The following ELMO1 variants were observed in gnomAD, a reference collection of about 807,000 sequenced individuals.
The protein encoded by ELMO1 is engulfment and cell motility 1.
In ELMO1, 26 loss-of-function variants were observed where a neutral mutation model predicts 98.9. That is an observed-to-expected ratio of 0.26 (90% CI 0.19 to 0.36). The LOEUF (loss-of-function observed/expected upper bound fraction) is 0.36. Among genes scored for constraint, ELMO1 ranks in the 10% least tolerant of loss-of-function variants. ELMO1 has a pLI of 1.00. For missense variants in ELMO1, 627 were observed against 935.2 expected (o/e 0.67, Z 4.30); for synonymous variants, 346 against 346.0 (o/e 1.00, Z 0.00).
intron 8 of ELMO1, among the ~76,000 whole-genome samples, chr7:37,229,631 A>G (rs1794057974): frequency 6.6e-6 from 1 of 152,184 alleles, no homozygotes; most frequent in African/African-American, 2.4e-5. Flanking sequence ...GCTCCATTTA[A>G]AAGACAGTTG....
intron 12 of ELMO1, among the ~76,000 whole-genome samples, chr7:37,212,694 G>A (rs952812811): frequency 2.0e-5 from 3 of 152,178 alleles, no homozygotes; most frequent in African/African-American, 7.2e-5. Flanking sequence ...TGCCAATAAT[G>A]AGTGTTTTCC....
intron 20 of ELMO1, among the ~76,000 whole-genome samples, chr7:36,869,052 T>C (rs1033871021): frequency 1.1e-4 from 17 of 152,338 alleles, no homozygotes; most frequent in Non-Finnish European, 4.4e-5. Flanking sequence ...TTTGCTGCTA[T>C]AGCTAAGGAT....
intron 13 of ELMO1, among the ~76,000 whole-genome samples, chr7:37,142,784 G>A (rs1787721807): frequency 6.6e-6 from 1 of 152,134 alleles, no homozygotes; most frequent in Non-Finnish European, 1.5e-5. Flanking sequence ...TGCTATATGA[G>A]TTTCAAAAAT....
At chr7:37,250,357 T>C (rs1795275088) in intron 6 of ELMO1, among the ~76,000 whole-genome samples, 1 of 152,162 alleles carries the variant, frequency 6.6e-6, no homozygotes, top group Non-Finnish European at 1.5e-5. Context: ...ATAAAGCCTG[T>C]GCATATGTGT....
At chr7:37,025,009 ACC>A (rs1367781060) in intron 15 of ELMO1, among the ~76,000 whole-genome samples, 1 of 152,104 alleles carries the variant, frequency 6.6e-6, no homozygotes, top group Non-Finnish European at 1.5e-5. Flanking sequence ...ATGCTAAGTA[ACC>A]CCTGGGAATT....
In ELMO1 at chr7:37,043,720, A is replaced by G. The variant is rs374848232; in HGVS notation, c.1301-30285T>C. Among the ~76,000 whole-genome samples the G allele has an allele frequency of 3.3e-5, 5 of 152,312 alleles. No individual in the cohort carries two copies. In the South Asian group the frequency reaches 6.2e-4, roughly 19 times the overall value. On this transcript the variant is annotated intron_variant, in intron 15 of 21. Transcript: ENST00000310758. ...TATCCGAAAGGTTCCCGGTGAATCTAATGTGCAGGCAGGATGGAGACCAAC... is the reference window on the plus strand; with the variant it reads ...TATCCGAAAGGTTCCCGGTGAATCTGATGTGCAGGCAGGATGGAGACCAAC...
chr7:37,273,266 C>G (rs1427838765), intron 4 of ELMO1, among the ~76,000 whole-genome samples: 3 of 152,190 alleles, frequency 2.0e-5, no homozygotes. Flanking sequence ...TTGTAATCCC[C>G]ATGTGTTAAC....
chr7:37,164,979 G>A (rs1789545420), intron 13 of ELMO1, among the ~76,000 whole-genome samples: 1 of 151,924 alleles, frequency 6.6e-6, no homozygotes, highest in African/African-American at 2.4e-5. Flanking sequence ...AGCATGGAAT[G>A]TTCTTCCATT....
chr7:37,114,490 A>G (rs1349217595), intron 14 of ELMO1, among the ~76,000 whole-genome samples: 1 of 152,174 alleles, frequency 6.6e-6, no homozygotes, highest in Non-Finnish European at 1.5e-5. Context: ...TGAGCCAGAG[A>G]CTTTAGTCAC....
At chr7:36,883,925 C>T (rs1041560888) in intron 18 of ELMO1, among the ~76,000 whole-genome samples, 2 of 152,152 alleles carry the variant, frequency 1.3e-5, no homozygotes, top group African/African-American at 4.8e-5. Flanking sequence ...AAGGATTCTG[C>T]GACCAGAGCT....
chr7:36,913,947 T>C (rs1200947897), intron 16 of ELMO1, among the ~76,000 whole-genome samples: 1 of 152,234 alleles, frequency 6.6e-6, no homozygotes, highest in Non-Finnish European at 1.5e-5. Flanking sequence ...GCAAGGATTA[T>C]TACCTGAAAG....
intron 13 of ELMO1, among the ~76,000 whole-genome samples, chr7:37,182,022 A>C (rs1340101232): frequency 8.4e-5 from 1 of 11,968 alleles, no homozygotes; most frequent in African/African-American, 4.1e-4. Flanking sequence ...CTCTCAAATA[A>C]GAAAAAAAAA....
At chr7:37,282,841 C>CT (rs1797210175) in intron 4 of ELMO1, among the ~76,000 whole-genome samples, 1 of 152,164 alleles carries the variant, frequency 6.6e-6, no homozygotes, top group Non-Finnish European at 1.5e-5. Flanking sequence ...TTCTTTTCTA[C>CT]TTTTTTCATG....
chr7:37,443,030 T>C (rs751210132), intron 1 of ELMO1, among the ~76,000 whole-genome samples: 4 of 152,222 alleles, frequency 2.6e-5, no homozygotes, highest in Non-Finnish European at 5.9e-5. Context: ...AACAATACTA[T>C]TCTGACTGTT....
At chr7:37,325,194 G>A (rs1440085710) in intron 2 of ELMO1, among the ~76,000 whole-genome samples, 4 of 152,158 alleles carry the variant, frequency 2.6e-5, no homozygotes, top group East Asian at 1.9e-4. Flanking sequence ...TCCAGCCCCC[G>A]ATGCTGCCTT....
At chr7:37,203,870 CG>C (rs973641267) in intron 13 of ELMO1, among the ~76,000 whole-genome samples, 55 of 150,582 alleles carry the variant, frequency 3.7e-4, no homozygotes, top group African/African-American at 1.3e-3. Context: ...TGTCGACCCT[CG>C]GCTCAGCCCA....
At chr7:37,181,641 A>C (rs1790865813) in intron 13 of ELMO1, among the ~76,000 whole-genome samples, 1 of 152,222 alleles carries the variant, frequency 6.6e-6, no homozygotes, top group Admixed American at 6.5e-5. Context: ...TTTGTCAAAA[A>C]AAGAAAGCAG....
chr7:37,176,270 C>T (rs1790491375), intron 13 of ELMO1, among the ~76,000 whole-genome samples: 2 of 152,198 alleles, frequency 1.3e-5, no homozygotes, highest in African/African-American at 4.8e-5. Context: ...CCTAACAATA[C>T]TTTCAAAGAA....
At chr7:37,063,738 T>C (rs892787162) in intron 15 of ELMO1, among the ~76,000 whole-genome samples, 1 of 152,142 alleles carries the variant, frequency 6.6e-6, no homozygotes, top group African/African-American at 2.4e-5. Flanking sequence ...GCAGTCACCC[T>C]TGAGCTGAGA....
Sources: allele counts gnomAD v4.1 joint callset (sites outside exome capture counted in the v4.1 genomes callset), GRCh38; gene constraint gnomAD v4.1.1; transcripts MANE v1.5; gene names NCBI Gene and HGNC (gene_info 2026-07-23, HGNC 2026-07-21).